NEDD4: variants seen among roughly 807,000 people sequenced by gnomAD.
NEDD4 encodes the protein E3 ubiquitin-protein ligase NEDD4.
In NEDD4, 99 loss-of-function variants were observed where a neutral mutation model predicts 144.9. That is an observed-to-expected ratio of 0.68 (90% CI 0.58 to 0.81). The LOEUF is 0.81. NEDD4 is among the 30% of genes least tolerant of loss of function. The probability of loss-of-function intolerance (pLI) is 0.00; values close to 1 mark genes in which losing one functional copy is unlikely to be tolerated. For synonymous variants in NEDD4, 318 were observed against 350.6 expected (o/e 0.91, Z 1.04); for missense variants, 985 against 1,065.9 (o/e 0.92, Z 1.06).
rs755955417 is a variant in NEDD4 at position 55,850,686 on chromosome 15, T to C, written c.1203A>G (p.Ser401=). 1.2e-6 allele frequency: 2 copies of C among 1,614,072 alleles called. No individual in the cohort carries two copies. Among genetic ancestry groups the C allele is most frequent in the Admixed American group, 3.3e-5 (2 of 60,022 alleles). Residue 401 remains serine (S), a synonymous_variant, in exon 14 of 29, where the codon TCA becomes TCG. Transcript: ENST00000435532. ...GGCCTGAATCACTGGTGGAGGCTTGTGATTGAGGGCCTGCAGAACTCTGGC... is the reference window on the plus strand; with the variant it reads ...GGCCTGAATCACTGGTGGAGGCTTGCGATTGAGGGCCTGCAGAACTCTGGC... The part of the protein sequence containing the change: ...TSSQSSAGPQ[S]QASTSDSGQQ...
Position 55,831,528 on chromosome 15 carries a change from G to C in NEDD4, c.2528-942C>G, listed in dbSNP as rs1436070421. Among the ~76,000 whole-genome samples, 3 of 152,144 alleles carry C rather than the reference G, an allele frequency of 2.0e-5. No individual in the cohort carries two copies. The East Asian group carries it at 5.8e-4, about 29-fold the overall frequency. On this transcript the variant is annotated intron_variant, in intron 27 of 28. Coordinates refer to ENST00000435532, the MANE Select transcript of NEDD4 (RefSeq NM_006154.4). ...GTTAAAGTAGAGAAGATGGAGGAAGGGGAGTCAGGTGAAACCATGAAAAAG... is the reference window on the plus strand; with the variant it reads ...GTTAAAGTAGAGAAGATGGAGGAAGCGGAGTCAGGTGAAACCATGAAAAAG...
At chr15:55,847,676 CTTTTTTT>C (rs149696600) in intron 17 of NEDD4, among the ~76,000 whole-genome samples, 2 of 113,590 alleles carry the variant, frequency 1.8e-5, no homozygotes, top group Non-Finnish European at 1.9e-5. Flanking sequence ...TTTCTTTTTC[CTTTTTTT>C]TTTTTTTTTT....
intron 5 of NEDD4, among the ~76,000 whole-genome samples, chr15:55,914,299 A>G (rs922943754): frequency 6.6e-6 from 1 of 151,820 alleles, no homozygotes; most frequent in Non-Finnish European, 1.5e-5. Flanking sequence ...TGTCATGTAA[A>G]ATTGCTTTAG....
chr15:55,964,521 G>A (rs1034011875), intron 2 of NEDD4, among the ~76,000 whole-genome samples: 1 of 150,854 alleles, frequency 6.6e-6, no homozygotes, highest in Non-Finnish European at 1.5e-5. Flanking sequence ...AAAATTTATT[G>A]TGGCCATATT....
intron 5 of NEDD4, among the ~76,000 whole-genome samples, chr15:55,895,324 TGAGAA>T (rs2035704149): frequency 1.3e-5 from 2 of 152,230 alleles, no homozygotes; most frequent in Non-Finnish European, 2.9e-5. Flanking sequence ...GCAGTTTAAA[TGAGAA>T]ATGAAATCAG....
At chr15:55,840,000 ATATATATATATATATAT>A (rs1271640601) in intron 21 of NEDD4, among the ~76,000 whole-genome samples, 27 of 13,422 alleles carry the variant, frequency 2.0e-3, no homozygotes, top group South Asian at 5.3e-3. Flanking sequence ...AAAAAAAAAA[ATATATATATATATATAT>A]ATATATATAT....
chr15:55,970,970 G>A (rs1366834852), intron 1 of NEDD4, among the ~76,000 whole-genome samples: 1 of 152,124 alleles, frequency 6.6e-6, no homozygotes, highest in African/African-American at 2.4e-5. Flanking sequence ...ATTCCAGAGG[G>A]ACAGAGATAC....
chr15:55,867,982 G>A (rs1463965150), intron 8 of NEDD4, among the ~76,000 whole-genome samples: 1 of 151,224 alleles, frequency 6.6e-6, no homozygotes, highest in Non-Finnish European at 1.5e-5. Flanking sequence ...CTTGAACCCA[G>A]GAGGCAGAGG....
rs758361528 is a variant in NEDD4, at chr15:55,848,864, G to A, written c.1370C>T (p.Pro457Leu). Reference protein sequence around the residue: ...TTWEDPRLKIPAHLRGKTSLD... With the variant: ...TTWEDPRLKILAHLRGKTSLD... ...TGATGTCTTTCCTCTCAGATGGGCTGGAATTTTCAATCTTGGATCTTCCTT... is the reference window on the plus strand; with the variant it reads ...TGATGTCTTTCCTCTCAGATGGGCTAGAATTTTCAATCTTGGATCTTCCTT... The change falls in exon 15 of 29, where the codon CCA becomes CTA. Residue 457 changes from proline to leucine, a missense_variant. By Grantham distance (98) the Pro-to-Leu change is moderately conservative. Transcript: ENST00000435532. 1 of 1,613,586 alleles carries A rather than the reference G, an allele frequency of 6.2e-7. No individual in the cohort carries two copies. The highest frequency in any genetic ancestry group is 1.1e-5 in the South Asian group (1 of 91,068).
chr15:55,927,369 G>A (rs554160394), intron 4 of NEDD4, among the ~76,000 whole-genome samples: 1 of 151,982 alleles, frequency 6.6e-6, no homozygotes, highest in Non-Finnish European at 1.5e-5. Context: ...GGAATGCAGT[G>A]GTGCGATCAC....
intron 8 of NEDD4, among the ~76,000 whole-genome samples, chr15:55,864,748 G>A (rs902379709): frequency 6.7e-6 from 1 of 149,208 alleles, no homozygotes; most frequent in African/African-American, 2.5e-5. Context: ...AAACAAGCAG[G>A]AATAAGCAGC....
intron 5 of NEDD4, among the ~76,000 whole-genome samples, chr15:55,905,987 T>C (rs1449552111): frequency 6.6e-6 from 1 of 152,196 alleles, no homozygotes; most frequent in African/African-American, 2.4e-5. Flanking sequence ...GAACAGACAC[T>C]TCTCAAAAGA....
At position 55,893,972 on chromosome 15, in the gene NEDD4, T is replaced by C. The variant is rs144748768; in HGVS notation, c.292-19964A>G. 1.4e-4 allele frequency among the ~76,000 whole-genome samples: 21 copies of C among 152,152 alleles called. No individual in the cohort carries two copies. The East Asian group carries it at 3.3e-3, about 24-fold the overall frequency. ...ACTATAATGGGCTTATTTAAAACATTTTCCTAGAAGTTCAAAATTTACTGA... is the reference window on the plus strand; with the variant it reads ...ACTATAATGGGCTTATTTAAAACATCTTCCTAGAAGTTCAAAATTTACTGA... On this transcript the variant is annotated intron_variant, in intron 5 of 28. Transcript: ENST00000435532.
chr15:55,924,451 G>A, intron 5 of NEDD4, 195 bp downstream of exon 5: 1 of 557,678 alleles, frequency 1.8e-6, no homozygotes, highest in Non-Finnish European at 3.2e-6. Flanking sequence ...AGAGGTGCTT[G>A]GGAGGAGAAT....
At chr15:55,907,713 T>A (rs1168262002) in intron 5 of NEDD4, among the ~76,000 whole-genome samples, 1 of 152,238 alleles carries the variant, frequency 6.6e-6, no homozygotes, top group Non-Finnish European at 1.5e-5. Flanking sequence ...CAGGAACTAG[T>A]CTGAGAATCC....
intron 1 of NEDD4, among the ~76,000 whole-genome samples, chr15:55,981,654 G>T (rs1007991432): frequency 8.5e-5 from 13 of 152,130 alleles, no homozygotes; most frequent in Non-Finnish European, 2.9e-5. Flanking sequence ...CAGAATCCTT[G>T]GATTTAGGAG....
chr15:55,906,961 G>A (rs2036121808), intron 5 of NEDD4, among the ~76,000 whole-genome samples: 1 of 151,808 alleles, frequency 6.6e-6, no homozygotes, highest in Non-Finnish European at 1.5e-5. Flanking sequence ...CCAGACAGGT[G>A]GCACGTACCT....
At chr15:55,920,693 A>G (rs934047029) in intron 5 of NEDD4, among the ~76,000 whole-genome samples, 2 of 152,236 alleles carry the variant, frequency 1.3e-5, no homozygotes, top group South Asian at 4.1e-4. Flanking sequence ...TTGCTAGGAA[A>G]ATGGTACATT....
At chr15:55,929,181 G>C (rs1266613488) in intron 4 of NEDD4, among the ~76,000 whole-genome samples, 3 of 152,148 alleles carry the variant, frequency 2.0e-5, no homozygotes, top group Non-Finnish European at 2.9e-5. Flanking sequence ...CCTAATGACA[G>C]AATGTCTCAA....
Sources: allele counts gnomAD v4.1 joint callset (sites outside exome capture counted in the v4.1 genomes callset), GRCh38; gene constraint gnomAD v4.1.1; transcripts MANE v1.5; gene names NCBI Gene and HGNC (gene_info 2026-07-23, HGNC 2026-07-21).